Variants in TIMP2 observed in about 807,000 individuals in gnomAD.
TIMP2 encodes the protein TIMP metallopeptidase inhibitor 2.
Under a neutral mutation model 24.3 loss-of-function variants are expected in TIMP2, and 5 were observed. The observed-to-expected ratio is 0.21, with a 90% confidence interval of 0.11 to 0.43. The LOEUF (loss-of-function observed/expected upper bound fraction) is 0.43. Ranked by LOEUF, TIMP2 falls within the 20% of genes least tolerant of loss-of-function variation. The pLI is 1.00. For synonymous variants in TIMP2, 130 were observed against 123.2 expected, an observed-to-expected ratio of 1.06 and a Z score of -0.37; for missense variants, 221 against 297.5, an observed-to-expected ratio of 0.74 and a Z score of 1.89.
chr17:78,857,377 G>A, intron 4 of TIMP2, 145 bp downstream of exon 4: 1 of 1,120,972 alleles, frequency 8.9e-7, no homozygotes, highest in Non-Finnish European at 1.3e-6. Flanking sequence ...CCTTACTCTT[G>A]GGATGACTCT....
intron 1 of TIMP2, among the ~76,000 whole-genome samples, chr17:78,876,866 C>A (rs1405100370): frequency 6.6e-6 from 1 of 151,736 alleles, no homozygotes; most frequent in Non-Finnish European, 1.5e-5. Flanking sequence ...GCCATCTCCC[C>A]TCTCTGCCTG....
At chr17:78,882,299 C>T (rs900604701) in intron 1 of TIMP2, among the ~76,000 whole-genome samples, 1 of 152,142 alleles carries the variant, frequency 6.6e-6, no homozygotes, top group Non-Finnish European at 1.5e-5. Context: ...ATGTCTAAAG[C>T]GCCAGCTGAG....
intron 1 of TIMP2, among the ~76,000 whole-genome samples, chr17:78,913,153 A>G (rs6416835): frequency 0.61 from 92,162 of 152,082 alleles, 28,320 homozygotes; most frequent in African/African-American, 0.7. Context: ...GAAAAAGCCA[A>G]CAACATTTTG....
Position 78,891,347 on chromosome 17 carries a change from C to A in TIMP2, c.131-17428G>T. 1 of 1,550,470 alleles carries A rather than the reference C, an allele frequency of 6.4e-7. No individual in the cohort carries two copies. The highest frequency in any genetic ancestry group is 8.7e-7 in the Non-Finnish European group (1 of 1,146,940). On this transcript the variant is annotated intron_variant, in intron 1 of 4. Transcript: ENST00000262768. This position sits in a 1 kb window ranked among gnomAD's most constrained non-coding sequence, Gnocchi z 4.5. ...TTTCTTCCCTCTTGGGGTCCCAGCGCCACACTCTTGCATCTCTGAGAAGGC... is the reference window on the plus strand; with the variant it reads ...TTTCTTCCCTCTTGGGGTCCCAGCGACACACTCTTGCATCTCTGAGAAGGC...
intron 3 of TIMP2, 94 bp from the exon 4 acceptor site, chr17:78,857,740 T>C: frequency 1.3e-6 from 2 of 1,536,814 alleles, no homozygotes; most frequent in South Asian, 2.4e-5. Context: ...TGGGATTTCG[T>C]TGCAACAATC....
intron 3 of TIMP2, among the ~76,000 whole-genome samples, chr17:78,865,557 G>T (rs548501693): frequency 2.1e-3 from 322 of 150,904 alleles, no homozygotes; most frequent in Middle Eastern, 3.4e-3. Context: ...CCGGGAGGCA[G>T]AGGTTGTGGT....
intron 1 of TIMP2, among the ~76,000 whole-genome samples, chr17:78,918,602 C>T (rs78222748): frequency 0.079 from 12,076 of 152,230 alleles, 527 homozygotes; most frequent in Middle Eastern, 0.14. Context: ...CTTACTCCAC[C>T]CCCCGACACT....
intron 3 of TIMP2, 51 bp from the exon 4 acceptor site, chr17:78,857,697 C>T (rs778699837): frequency 6.2e-7 from 1 of 1,610,956 alleles, no homozygotes; most frequent in South Asian, 1.1e-5. Context: ...AAGTCCTCCT[C>T]CTGCCCAGCT....
At chr17:78,858,029 G>A (rs376186523) in intron 3 of TIMP2, among the ~76,000 whole-genome samples, 16 of 152,022 alleles carry the variant, frequency 1.1e-4, no homozygotes, top group Admixed American at 3.9e-4. Flanking sequence ...CCGAGATCGC[G>A]CCACTGAACT....
chr17:78,902,972 GC>G (rs1262872602), intron 1 of TIMP2, among the ~76,000 whole-genome samples: 3 of 152,230 alleles, frequency 2.0e-5, no homozygotes, highest in Non-Finnish European at 4.4e-5. Context: ...TTTGCCGCTG[GC>G]CTTGCGAACC....
At chr17:78,914,072 G>A (rs1321990443) in intron 1 of TIMP2, among the ~76,000 whole-genome samples, 3 of 152,052 alleles carry the variant, frequency 2.0e-5, no homozygotes, top group Non-Finnish European at 4.4e-5. Flanking sequence ...GATGGAGAGA[G>A]GCGGAAGGGA....
chr17:78,910,116 T>C (rs977530015), intron 1 of TIMP2, among the ~76,000 whole-genome samples: 11 of 152,180 alleles, frequency 7.2e-5, no homozygotes, highest in African/African-American at 2.7e-4. Flanking sequence ...CTCAAGCATT[T>C]CTTTCTTTGT....
chr17:78,861,487 T>C (rs1026858843), intron 3 of TIMP2, among the ~76,000 whole-genome samples: 3 of 152,348 alleles, frequency 2.0e-5, no homozygotes, highest in East Asian at 3.9e-4. Context: ...TCTAATGATA[T>C]GCTTCACATT....
intron 1 of TIMP2, among the ~76,000 whole-genome samples, chr17:78,913,334 G>A (rs922396627): frequency 6.6e-6 from 1 of 152,172 alleles, no homozygotes; most frequent in Non-Finnish European, 1.5e-5. Context: ...ATGGCTGTGC[G>A]GCTCTGTGAA....
chr17:78,872,497 C>T (rs575864973), intron 2 of TIMP2, among the ~76,000 whole-genome samples: 24 of 152,188 alleles, frequency 1.6e-4, no homozygotes, highest in East Asian at 3.9e-4. Flanking sequence ...TTTTTCCCCC[C>T]GAAGAGTTTC....
intron 3 of TIMP2, among the ~76,000 whole-genome samples, chr17:78,863,957 GC>G (rs2069587527): frequency 6.6e-6 from 1 of 152,134 alleles, no homozygotes; most frequent in African/African-American, 2.4e-5. Context: ...AAGTTACTTG[GC>G]CAAGGACATT....
rs1011562957 is a variant in TIMP2 at position 78,892,147 on chromosome 17, C to T, written c.131-18228G>A. ...CACCGACGTGCAGGTGCTGTGCCTCCTGATACCCTCTCCTCAACTCCTCAG... is the reference window on the plus strand; with the variant it reads ...CACCGACGTGCAGGTGCTGTGCCTCTTGATACCCTCTCCTCAACTCCTCAG... On this transcript the variant is annotated intron_variant, in intron 1 of 4. Coordinates refer to ENST00000262768, the MANE Select transcript of TIMP2 (RefSeq NM_003255.5). 3.2e-6 allele frequency: 5 copies of T among 1,550,828 alleles called. No homozygotes were observed. In the African/African-American group the frequency reaches 6.8e-5, roughly 21 times the overall value.
At chr17:78,923,620 T>TG (rs2070326503) in intron 1 of TIMP2, among the ~76,000 whole-genome samples, 1 of 152,104 alleles carries the variant, frequency 6.6e-6, no homozygotes, top group African/African-American at 2.4e-5. Context: ...CCACAAATCT[T>TG]GCTGAGCACC....
intron 3 of TIMP2, among the ~76,000 whole-genome samples, chr17:78,857,896 CCCCT>C (rs771981485): frequency 3.2e-4 from 49 of 151,652 alleles, no homozygotes; most frequent in East Asian, 2.5e-3. Flanking sequence ...GTGATGAAAC[CCCCT>C]CTCTACTAAA....
Sources: allele counts gnomAD v4.1 joint callset (sites outside exome capture counted in the v4.1 genomes callset), GRCh38; gene constraint gnomAD v4.1.1; non-coding constraint Gnocchi (gnomAD v3.1); transcripts MANE v1.5; gene names NCBI Gene and HGNC (gene_info 2026-07-23, HGNC 2026-07-21).